Variants in CBLC observed in about 807,000 individuals in gnomAD.
The protein encoded by CBLC is Cbl proto-oncogene C.
CBLC carries 46 observed loss-of-function variants against 58.6 expected under a neutral mutation model. That is an observed-to-expected ratio of 0.79 (90% CI 0.62 to 1.00). CBLC has a LOEUF of 1.00. Ranked by LOEUF, CBLC falls within the 50% of genes least tolerant of loss-of-function variation. The pLI, the probability that CBLC is intolerant of heterozygous loss-of-function variation, is 0.00. For missense variants in CBLC, 655 were observed against 625.8 expected, an observed-to-expected ratio of 1.05 and a Z score of -0.50; for synonymous variants, 271 against 264.2, an observed-to-expected ratio of 1.03 and a Z score of -0.25.
intron 5 of CBLC, 124 bp downstream of exon 5, chr19:44,784,525 A>G (rs533022173): frequency 4.3e-6 from 4 of 921,426 alleles, no homozygotes; most frequent in Non-Finnish European, 6.2e-6. Flanking sequence ...GGACATCTCA[A>G]ATCTGCAGTA....
Position 44,778,055 on chromosome 19 carries a change from C to T in CBLC, c.124C>T (p.Pro42Ser), listed in dbSNP as rs147885389. 1.2e-6 allele frequency: 2 copies of T among 1,608,936 alleles called. No homozygotes were observed. The highest frequency in any genetic ancestry group is 1.7e-6 in the Non-Finnish European group (2 of 1,179,642). Residue 42 changes from proline (P) to serine (S), a missense_variant, in exon 1 of 11, where the codon CCT (proline) becomes TCT (serine). Pro to Ser is a moderately conservative substitution (Grantham distance 74). Transcript: ENST00000647358. Reference sequence around the variant, plus strand: ...CGACCCCCGGCTGTCCGTGAGTCCCCCTTCGCTGCGGGACCTGCTGCCCCG... The same window carrying T: ...CGACCCCCGGCTGTCCGTGAGTCCCTCTTCGCTGCGGGACCTGCTGCCCCG... ...CVDPRLSVSP[P>S]SLRDLLPRTA...
At position 44,781,366 on chromosome 19, in the gene CBLC, C is replaced by G. The variant is rs199564731; in HGVS notation, c.657+3C>G. ...ACGTCTTCACCAGGCTCTTTCAGGT[C>G]AGGGAAGGCCAAGGCTGGGAGCTAG... is the stretch of plus-strand genomic sequence containing the variant. On this transcript the variant is annotated splice_donor_region_variant and intron_variant, in intron 3 of 10. Transcript: ENST00000647358. 186 of 1,606,920 alleles carry G rather than the reference C, an allele frequency of 1.2e-4. No homozygotes were observed. Among genetic ancestry groups the G allele is most frequent in the Non-Finnish European group, 1.4e-5 (17 of 1,179,328 alleles).
At chr19:44,798,576 G>A (rs1232382402) in intron 9 of CBLC, among the ~76,000 whole-genome samples, 2 of 152,108 alleles carry the variant, frequency 1.3e-5, no homozygotes, top group Admixed American at 6.5e-5. Flanking sequence ...TTAGCTAGGC[G>A]TGGTGGCGGG....
intron 4 of CBLC, 142 bp downstream of exon 4, chr19:44,782,633 C>T (rs892686305): frequency 2.1e-5 from 14 of 657,758 alleles, no homozygotes; most frequent in South Asian, 9.9e-5. Flanking sequence ...AACTCAGAGG[C>T]AGGACACTGA....
rs188040865 is a variant in CBLC, at chr19:44,790,492, G to A, written c.1005+401G>A. 2.1e-3 allele frequency among the ~76,000 whole-genome samples: 318 copies of A among 152,184 alleles called. 2 individuals carry two copies. Among genetic ancestry groups the A allele is most frequent in the African/African-American group, 7.2e-3 (300 of 41,502 alleles). On this transcript the variant is annotated intron_variant, in intron 6 of 10. Coordinates refer to ENST00000647358, the MANE Select transcript of CBLC (RefSeq NM_012116.4). The stretch of plus-strand genomic sequence containing the variant: ...CTTCTGTCGCCCAGGCTGGAGTGCA[G>A]TGGTGCGATCATGGCTCACTGCAGC...
chr19:44,783,846 A>G (rs117326714), intron 4 of CBLC, among the ~76,000 whole-genome samples: 2,297 of 152,226 alleles, frequency 0.015, 25 homozygotes, highest in Non-Finnish European at 0.024. Flanking sequence ...CATTGTGGCA[A>G]ATGACTTCTA....
chr19:44,800,315 A>G (rs1968267277), intron 9 of CBLC, 66 bp from the exon 10 acceptor site: 1 of 1,143,576 alleles, frequency 8.7e-7, no homozygotes, highest in African/African-American at 1.5e-5. Flanking sequence ...GGGGACAGGG[A>G]AGAGGGGCAG....
Position 44,784,204 on chromosome 19 carries a change from T to C in CBLC, c.780-60T>C, listed in dbSNP as rs1967823761. On this transcript the variant is annotated intron_variant, in intron 4 of 10. Coordinates refer to ENST00000647358, the MANE Select transcript of CBLC (RefSeq NM_012116.4). ...TCCCAACAGGCCAGGGGACTGGAAGTTCACAAAAGGGATGGCAGTGACCAC... is the reference window on the plus strand; with the variant it reads ...TCCCAACAGGCCAGGGGACTGGAAGCTCACAAAAGGGATGGCAGTGACCAC... The C allele has an allele frequency of 6.1e-6, 9 of 1,464,058 alleles. No homozygotes were observed. The East Asian group carries it at 2.1e-4, about 34-fold the overall frequency. The allele number at this position is 1,464,058 out of a possible 1,614,324, so 90.7% of individuals were successfully genotyped here. A position where few individuals can be genotyped will look rare whatever the true frequency, so the allele number is the denominator to read the frequency against.
In CBLC at chr19:44,791,307, C is replaced by CAA. The variant is rs57655043; in HGVS notation, c.1006-1062_1006-1061dup. ...GGTAACGGAGTGGGGCTCTGTCCCG[C>CAA]AAAAAAAAAAAAAAAGAAAGAAAGA... is the stretch of plus-strand genomic sequence containing the variant. On this transcript the variant is annotated intron_variant, in intron 6 of 10. Coordinates refer to ENST00000647358, the MANE Select transcript of CBLC (RefSeq NM_012116.4). Among the ~76,000 whole-genome samples, 391 of 78,174 alleles carry CAA rather than the reference C, an allele frequency of 5.0e-3. 4 individuals are homozygous for CAA. The highest frequency in any genetic ancestry group is 0.015 in the African/African-American group (371 of 25,438). The allele number at this position is 78,174 out of a possible 152,430, so 51.3% of individuals were successfully genotyped here.
In CBLC at chr19:44,778,294, C is replaced by G. The variant is rs766618955; in HGVS notation, c.353+10C>G. The G allele has an allele frequency of 6.5e-5, 93 of 1,424,418 alleles. No individual in the cohort carries two copies. Among genetic ancestry groups the G allele is most frequent in the Non-Finnish European group, 8.4e-5 (92 of 1,092,766 alleles). The allele number at this position is 1,424,418 out of a possible 1,614,324, so 88.2% of individuals were successfully genotyped here. On this transcript the variant is annotated intron_variant, in intron 1 of 10. Coordinates refer to ENST00000647358, the MANE Select transcript of CBLC (RefSeq NM_012116.4). ...CGGGCTCCAGACTCAGGTGAGCCTT[C>G]GCCCCAGAACAAAGTCCTCTGGGGT... is the stretch of plus-strand genomic sequence containing the variant.
chr19:44,784,104 G>A (rs935951171), intron 4 of CBLC, among the ~76,000 whole-genome samples, 160 bp from the exon 5 acceptor site: 4 of 152,202 alleles, frequency 2.6e-5, no homozygotes, highest in Admixed American at 2.6e-4. Flanking sequence ...ATCCCCTAGA[G>A]AGGCAGGCAG....
rs759899304 is a variant in CBLC at position 44,782,374 on chromosome 19, G to A, written c.662G>A (p.Trp221Ter). 5 of 1,613,682 alleles carry A rather than the reference G, an allele frequency of 3.1e-6. No individual in the cohort carries two copies. The highest frequency in any genetic ancestry group is 3.4e-6 in the Non-Finnish European group (4 of 1,179,762). The part of the protein sequence containing the change: ...FDVFTRLFQP[W>*]PTLLKNWQLL... ...CCAAGCCCTGCCCCACCCCAGCCAT[G>A]GCCAACACTCCTCAAGAACTGGCAG... Residue 221 changes from tryptophan (W) to a stop codon, truncating the protein, a stop_gained, in exon 4 of 11, where the codon TGG (tryptophan) becomes TAG (stop). Transcript: ENST00000647358. LOFTEE classifies it high-confidence loss of function.
At position 44,779,272 on chromosome 19, in the gene CBLC, A is replaced by G. The variant is rs116248757; in HGVS notation, c.353+988A>G. ...TCAGGCCTCAGAATGTGGAGACCCC[A>G]TGGGCTCCTAGGTGGAGGAGAGGTA... On this transcript the variant is annotated intron_variant, in intron 1 of 10. Coordinates refer to ENST00000647358, the MANE Select transcript of CBLC (RefSeq NM_012116.4). Among the ~76,000 whole-genome samples, 501 of 152,262 alleles carry G rather than the reference A, an allele frequency of 3.3e-3. 3 individuals are homozygous for G. The highest frequency in any genetic ancestry group is 0.012 in the African/African-American group (479 of 41,554).
Position 44,781,294 on chromosome 19 carries a change from C to A in CBLC, c.588C>A (p.Thr196=), listed in dbSNP as rs761624108. 6 of 1,613,446 alleles carry A rather than the reference C, an allele frequency of 3.7e-6. No individual in the cohort carries two copies. The highest frequency in any genetic ancestry group is 5.1e-6 in the Non-Finnish European group (6 of 1,180,006). The change falls in exon 3 of 11, where the codon ACC becomes ACA. Residue 196 remains threonine (T), a synonymous_variant. Coordinates refer to ENST00000647358, the MANE Select transcript of CBLC (RefSeq NM_012116.4). ...GCTGCACAGCCCTGGCCTTGCGCACCACCATTGACCTCACCTGCAGCGGGC... is the reference window on the plus strand; with the variant it reads ...GCTGCACAGCCCTGGCCTTGCGCACAACCATTGACCTCACCTGCAGCGGGC... ...EPGCTALALR[T]TIDLTCSGHV... is the part of the protein sequence containing the mutation.
chr19:44,782,584 G>A, intron 4 of CBLC, 93 bp downstream of exon 4: 2 of 1,070,544 alleles, frequency 1.9e-6, no homozygotes, highest in Admixed American at 4.2e-5. Context: ...GTCCTTCCAA[G>A]AGTGGGAACA....
At chr19:44,784,219 G>A (rs747946683) in intron 4 of CBLC, 45 bp from the exon 5 acceptor site, 12 of 1,517,644 alleles carry the variant, frequency 7.9e-6, no homozygotes, top group Middle Eastern at 3.5e-4. Context: ...AAAAGGGATG[G>A]CAGTGACCAC....
chr19:44,799,701 AGAGAAAGAAAGG>A (rs1968249595), intron 9 of CBLC, among the ~76,000 whole-genome samples: 1 of 150,874 alleles, frequency 6.6e-6, no homozygotes, highest in African/African-American at 2.5e-5. Context: ...AGAAAGAGAG[AGAGAAAGAAAGG>A]GAGAGAAAGA....
At chr19:44,797,977 G>C (rs1968213682) in intron 9 of CBLC, among the ~76,000 whole-genome samples, 1 of 152,142 alleles carries the variant, frequency 6.6e-6, no homozygotes, top group Non-Finnish European at 1.5e-5. Flanking sequence ...TGTGTCAGTG[G>C]TCAGTGTCAC....
At chr19:44,781,177 C>A in intron 2 of CBLC, 30 bp from the exon 3 acceptor site, 1 of 1,592,348 alleles carries the variant, frequency 6.3e-7, no homozygotes, top group South Asian at 1.1e-5. Flanking sequence ...GAGGCCTCAG[C>A]GGTGTCTCCC....
Sources: allele counts gnomAD v4.1 joint callset (sites outside exome capture counted in the v4.1 genomes callset), GRCh38; gene constraint gnomAD v4.1.1; transcripts MANE v1.5; gene names NCBI Gene and HGNC (gene_info 2026-07-23, HGNC 2026-07-21).